DNAJC6: variants seen among roughly 807,000 people sequenced by gnomAD.
The protein encoded by DNAJC6 is auxilin.
A neutral mutation model predicts 110.0 loss-of-function variants in DNAJC6; 34 were observed. That is an observed-to-expected ratio of 0.31 (90% CI 0.24 to 0.41). The LOEUF (loss-of-function observed/expected upper bound fraction) is 0.41, where lower values mean the gene tolerates loss of function less well. Ranked by LOEUF, DNAJC6 falls within the 10% of genes least tolerant of loss-of-function variation. The pLI is 1.00. For synonymous variants in DNAJC6, 406 were observed against 437.2 expected, an observed-to-expected ratio of 0.93 and a Z score of 0.89; for missense variants, 1,031 against 1,207.8, an observed-to-expected ratio of 0.85 and a Z score of 2.17.
At chr1:65,376,059 C>G (rs1645763799) in intron 4 of DNAJC6, among the ~76,000 whole-genome samples, 1 of 152,154 alleles carries the variant, frequency 6.6e-6, no homozygotes, top group Non-Finnish European at 1.5e-5. Context: ...CAGCCTCAAT[C>G]TCATTACTTG....
chr1:65,360,809 G>A (rs186386353), intron 1 of DNAJC6, among the ~76,000 whole-genome samples: 5 of 152,104 alleles, frequency 3.3e-5, no homozygotes, highest in South Asian at 2.1e-4. Flanking sequence ...ACAGAGGCTC[G>A]GCTGCCTGCG....
At chr1:65,372,829 C>T (rs555725276) in intron 4 of DNAJC6, among the ~76,000 whole-genome samples, 1 of 152,052 alleles carries the variant, frequency 6.6e-6, no homozygotes, top group Non-Finnish European at 1.5e-5. Context: ...ACAGTCAGAG[C>T]CAAGAGAACA....
chr1:65,292,340 T>G (rs866961143), intron 1 of DNAJC6, among the ~76,000 whole-genome samples: 2 of 151,828 alleles, frequency 1.3e-5, no homozygotes, highest in Admixed American at 6.6e-5. Flanking sequence ...TTTGTTTTTT[T>G]TTTTTAATGA....
At chr1:65,272,175 C>T (rs2101159962) in intron 1 of DNAJC6, among the ~76,000 whole-genome samples, 1 of 152,282 alleles carries the variant, frequency 6.6e-6, no homozygotes, top group East Asian at 1.9e-4. Context: ...CCATTAAGTA[C>T]AACATTTGAT....
intron 1 of DNAJC6, among the ~76,000 whole-genome samples, chr1:65,293,992 A>G (rs1242615583): frequency 6.6e-6 from 1 of 152,224 alleles, no homozygotes; most frequent in African/African-American, 2.4e-5. Flanking sequence ...TCACTCAGTT[A>G]TCTTAACTAA....
intron 1 of DNAJC6, among the ~76,000 whole-genome samples, chr1:65,327,767 A>AAATTATGATATGC (rs1553139318): frequency 1.3e-5 from 2 of 152,244 alleles, no homozygotes; most frequent in Non-Finnish European, 2.9e-5. Flanking sequence ...TTGGTTTAGA[A>AAATTATGATATGC]AATTATGATA....
chr1:65,358,178 C>CAAAAAAAAAAAAA (rs11285114), intron 1 of DNAJC6, among the ~76,000 whole-genome samples: 2 of 80,034 alleles, frequency 2.5e-5, no homozygotes, highest in African/African-American at 4.6e-5. Flanking sequence ...GACTCAGTCT[C>CAAAAAAAAAAAAA]AAAAAAAAAA....
intron 5 of DNAJC6, among the ~76,000 whole-genome samples, chr1:65,383,035 G>C (rs1459187771): frequency 2.0e-5 from 3 of 152,224 alleles, no homozygotes; most frequent in Non-Finnish European, 4.4e-5. Flanking sequence ...ACAAAAGGAT[G>C]AGGGTCATTT....
Position 65,311,287 on chromosome 1 carries a change from C to T in DNAJC6, c.193+1349C>T, listed in dbSNP as rs1311660400. Among the ~76,000 whole-genome samples the T allele has an allele frequency of 5.0e-5, 6 of 119,840 alleles. No homozygotes were observed. The Admixed American group carries it at 6.3e-4, about 13-fold the overall frequency. 78.6% of individuals were successfully genotyped at this position (119,840 alleles called of 152,430 possible). ...TTGCCCGGGCTGGAGTGCAGGGATG[C>T]GAACTCGGCGGACTGCAAACTCCGT... On this transcript the variant is annotated intron_variant, in intron 1 of 18. Transcript: ENST00000371069.
chr1:65,397,064 G>A (rs4916049), intron 13 of DNAJC6, among the ~76,000 whole-genome samples: 27,328 of 152,124 alleles, frequency 0.18, 5,465 homozygotes, highest in East Asian at 0.58. Context: ...TTAGAACATG[G>A]TGTTTATAAC....
At chr1:65,353,797 CA>C (rs1027748821) in intron 1 of DNAJC6, among the ~76,000 whole-genome samples, 13 of 152,064 alleles carry the variant, frequency 8.5e-5, no homozygotes, top group African/African-American at 3.1e-4. Context: ...TGTTGTATTT[CA>C]AGAAATCTCC....
intron 4 of DNAJC6, among the ~76,000 whole-genome samples, chr1:65,373,339 G>T (rs1055553746): frequency 6.6e-6 from 1 of 151,924 alleles, no homozygotes; most frequent in Admixed American, 6.6e-5. Flanking sequence ...GGAATTGCTG[G>T]GTCATATGGA....
At chr1:65,287,508 T>C (rs1031988887) in intron 1 of DNAJC6, among the ~76,000 whole-genome samples, 1 of 152,238 alleles carries the variant, frequency 6.6e-6, no homozygotes, top group African/African-American at 2.4e-5. Context: ...TTTTAGACTT[T>C]GGAGACTAGG....
At chr1:65,265,665 A>T (rs1653290977) in intron 1 of DNAJC6, among the ~76,000 whole-genome samples, 1 of 152,258 alleles carries the variant, frequency 6.6e-6, no homozygotes, top group South Asian at 2.1e-4. Context: ...CTGGGGTTTT[A>T]AATTCGGAGG....
At chr1:65,383,998 GTCTT>G in intron 5 of DNAJC6, 191 bp from the exon 6 acceptor site, 1 of 456,506 alleles carries the variant, frequency 2.2e-6, no homozygotes, top group South Asian at 7.3e-5. Flanking sequence ...CTAAGGATAA[GTCTT>G]TCCTTGCTGC....
At chr1:65,366,243 G>C (rs771389801) in intron 4 of DNAJC6, 47 bp downstream of exon 4, 6 of 1,600,892 alleles carry the variant, frequency 3.7e-6, no homozygotes, top group Non-Finnish European at 5.1e-6. Context: ...ACGTGATGGT[G>C]CTTTTCCTCC....
At chr1:65,275,842 A>G (rs1193001191) in intron 1 of DNAJC6, among the ~76,000 whole-genome samples, 2 of 150,158 alleles carry the variant, frequency 1.3e-5, no homozygotes, top group Non-Finnish European at 3.0e-5. Flanking sequence ...TTGTTACAGA[A>G]CCATTAATTT....
In DNAJC6 at chr1:65,394,364, CAAGTCTAGAGTTA is replaced by C. The variant is rs1645957458; in HGVS notation, c.1904-530_1904-518del. Among the ~76,000 whole-genome samples the C allele has an allele frequency of 2.0e-5, 3 of 152,196 alleles. No individual in the cohort carries two copies. The South Asian group carries it at 6.2e-4, about 32-fold the overall frequency. ...CCCCAAGAGGAAGTAGAAAGAACAC[CAAGTCTAGAGTTA>C]AAGACCTGGATTTGAATCCCAGGAC... On this transcript the variant is annotated intron_variant, in intron 12 of 18. Coordinates refer to ENST00000371069, the MANE Select transcript of DNAJC6 (RefSeq NM_001256864.2).
At chr1:65,351,014 C>T (rs1645485906) in intron 1 of DNAJC6, among the ~76,000 whole-genome samples, 1 of 152,210 alleles carries the variant, frequency 6.6e-6, no homozygotes, top group African/African-American at 2.4e-5. Context: ...ATCCCTCCAG[C>T]ACCCCTAATC....
Sources: gnomAD v4.1 joint callset for allele counts (sites outside exome capture counted in the v4.1 genomes callset) on GRCh38, gnomAD v4.1.1 for gene constraint, MANE v1.5 for transcripts, NCBI Gene and HGNC (gene_info 2026-07-23, HGNC 2026-07-21) for gene names.